The following BICC1 variants were observed in gnomAD, a reference collection of about 807,000 sequenced individuals.
BICC1 encodes BicC family RNA binding protein 1.
A neutral mutation model predicts 111.0 loss-of-function variants in BICC1; 43 were observed. That is an observed-to-expected ratio of 0.39 (90% confidence interval 0.30 to 0.50). The LOEUF is 0.50. Ranked by LOEUF, BICC1 falls within the 20% of genes least tolerant of loss-of-function variation. The pLI is 0.88. For missense variants in BICC1, 1,091 were observed against 1,203.2 expected (o/e 0.91, Z 1.38); for synonymous variants, 467 against 434.4 (o/e 1.07, Z -0.93).
chr10:58,797,731 C>T (rs1376648234), intron 10 of BICC1, among the ~76,000 whole-genome samples: 1 of 152,056 alleles, frequency 6.6e-6, no homozygotes, highest in Non-Finnish European at 1.5e-5. Flanking sequence ...TATACAAATC[C>T]ACATTTCATT....
intron 2 of BICC1, among the ~76,000 whole-genome samples, chr10:58,688,629 C>T (rs928136066): frequency 2.0e-5 from 3 of 152,108 alleles, no homozygotes; most frequent in African/African-American, 7.2e-5. Flanking sequence ...TGTAACCACC[C>T]GAAATGCCCA....
At chr10:58,538,342 T>G (rs1842877310) in intron 1 of BICC1, among the ~76,000 whole-genome samples, 1 of 151,878 alleles carries the variant, frequency 6.6e-6, no homozygotes, top group Non-Finnish European at 1.5e-5. Context: ...CAACTGATCT[T>G]TGGCAAAGCG....
chr10:58,823,437 G>T (rs995894929), intron 20 of BICC1: 129 of 983,822 alleles, frequency 1.3e-4, no homozygotes, highest in Non-Finnish European at 1.5e-4. Flanking sequence ...CTCTCTGGAA[G>T]ATTTATCTCT....
At chr10:58,643,871 T>C (rs915637498) in intron 2 of BICC1, among the ~76,000 whole-genome samples, 3 of 152,182 alleles carry the variant, frequency 2.0e-5, no homozygotes, top group Admixed American at 6.5e-5. Context: ...TTCTGTTAAT[T>C]ACCTAATGAG....
intron 2 of BICC1, among the ~76,000 whole-genome samples, chr10:58,685,735 C>G (rs991653991): frequency 4.6e-5 from 7 of 152,134 alleles, no homozygotes; most frequent in Non-Finnish European, 8.8e-5. Flanking sequence ...CTCCCTCCAT[C>G]CCTTTATTTT....
intron 2 of BICC1, among the ~76,000 whole-genome samples, chr10:58,692,836 CTT>C (rs34105707): frequency 5.7e-4 from 80 of 140,764 alleles, no homozygotes; most frequent in South Asian, 3.4e-3. Context: ...ATATCTCCAT[CTT>C]TTTTTTTTTT....
intron 3 of BICC1, among the ~76,000 whole-genome samples, chr10:58,768,499 A>T (rs974509560): frequency 2.0e-5 from 3 of 152,190 alleles, no homozygotes; most frequent in Admixed American, 1.3e-4. Flanking sequence ...AATTAGTAGC[A>T]TGAAAATATA....
chr10:58,579,088 C>T (rs1192392462), intron 1 of BICC1, among the ~76,000 whole-genome samples: 3 of 151,978 alleles, frequency 2.0e-5, no homozygotes, highest in African/African-American at 7.3e-5. Context: ...TCTAAAGGCC[C>T]CCTTCATATA....
intron 8 of BICC1, among the ~76,000 whole-genome samples, chr10:58,790,465 A>G (rs1211303348): frequency 6.6e-6 from 1 of 152,208 alleles, no homozygotes; most frequent in African/African-American, 2.4e-5. Flanking sequence ...AAAGTTATAT[A>G]TTATAATTCA....
chr10:58,574,272 CAA>C (rs1476351250), intron 1 of BICC1, among the ~76,000 whole-genome samples: 2 of 151,992 alleles, frequency 1.3e-5, no homozygotes, highest in Non-Finnish European at 2.9e-5. Context: ...GATTTGGACA[CAA>C]AAATGTTGAA....
At chr10:58,803,847 A>G (rs570443380) in intron 15 of BICC1, among the ~76,000 whole-genome samples, 1 of 152,352 alleles carries the variant, frequency 6.6e-6, no homozygotes, top group East Asian at 1.9e-4. Flanking sequence ...CTCAGAATAG[A>G]CTATTGACCA....
intron 1 of BICC1, among the ~76,000 whole-genome samples, chr10:58,521,487 G>A (rs1842385322): frequency 6.6e-6 from 1 of 152,046 alleles, no homozygotes; most frequent in Admixed American, 6.6e-5. Context: ...AAAGGACATG[G>A]AAATTTTAAG....
chr10:58,513,193 GCTCCAACAGCGAGCGCAGCACCGA>G lies in BICC1; in HGVS notation c.55_78del (p.Asn19_Ser26del). On this transcript the variant is annotated inframe_deletion, in exon 1 of 21. Coordinates refer to ENST00000373886, the MANE Select transcript of BICC1 (RefSeq NM_001080512.3). The stretch of plus-strand genomic sequence containing the variant: ...TACCTGGCGGCGCAGTCGGACCCCG[GCTCCAACAGCGAGCGCAGCACCGA>G]CTCCCCAGTGCCCGGCTCCGAGGAC... 1 of 1,596,698 alleles carries G rather than the reference GCTCCAACAGCGAGCGCAGCACCGA, an allele frequency of 6.3e-7. No individual in the cohort carries two copies. The highest frequency in any genetic ancestry group is 1.7e-5 in the Admixed American group (1 of 58,202).
At chr10:58,523,035 C>T (rs1160241267) in intron 1 of BICC1, among the ~76,000 whole-genome samples, 3 of 152,166 alleles carry the variant, frequency 2.0e-5, no homozygotes, top group Non-Finnish European at 4.4e-5. Context: ...AGACCAATAA[C>T]AGGCTCTGAA....
rs533308372 is a variant in BICC1 at position 58,617,974 on chromosome 10, C to A, written c.191-2881C>A. Among the ~76,000 whole-genome samples the A allele has an allele frequency of 8.8e-4, 134 of 152,350 alleles. 4 individuals carry two copies. The South Asian group carries it at 0.023, about 26-fold the overall frequency. On this transcript the variant is annotated intron_variant, in intron 1 of 20. Coordinates refer to ENST00000373886, the MANE Select transcript of BICC1 (RefSeq NM_001080512.3). Reference sequence around the variant, plus strand: ...CCCACCATAACCTGGAGTTGTTTTTCCCTGTATTACTGCTGTGGCCTCTGG... The same window carrying A: ...CCCACCATAACCTGGAGTTGTTTTTACCTGTATTACTGCTGTGGCCTCTGG...
At chr10:58,587,396 TG>T (rs1844465981) in intron 1 of BICC1, among the ~76,000 whole-genome samples, 1 of 152,202 alleles carries the variant, frequency 6.6e-6, no homozygotes, top group Admixed American at 6.5e-5. Context: ...AGATGCTTTA[TG>T]GAAAAGAAAG....
chr10:58,543,757 C>T (rs1052252572), intron 1 of BICC1, among the ~76,000 whole-genome samples: 1 of 150,126 alleles, frequency 6.7e-6, no homozygotes, highest in Non-Finnish European at 1.5e-5. Context: ...ATCCTCCTGT[C>T]TCGGCCTCTC....
intron 2 of BICC1, among the ~76,000 whole-genome samples, chr10:58,634,893 C>G (rs1347689541): frequency 1.3e-5 from 2 of 152,102 alleles, no homozygotes; most frequent in Non-Finnish European, 2.9e-5. Flanking sequence ...AGAGAAAATA[C>G]ATTAATTATT....
At chr10:58,754,714 C>A (rs1842091572) in intron 3 of BICC1, among the ~76,000 whole-genome samples, 1 of 151,638 alleles carries the variant, frequency 6.6e-6, no homozygotes, top group African/African-American at 2.4e-5. Context: ...CTGTGGCCCT[C>A]TGTACTGTAT....
Sources: allele counts gnomAD v4.1 joint callset (sites outside exome capture counted in the v4.1 genomes callset), GRCh38; gene constraint gnomAD v4.1.1; transcripts MANE v1.5; gene names NCBI Gene and HGNC (gene_info 2026-07-23, HGNC 2026-07-21).